Variants in RCC1 observed in about 807,000 individuals in gnomAD.
RCC1 encodes the protein regulator of chromosome condensation.
In RCC1, 11 loss-of-function variants were observed where a neutral mutation model predicts 44.4. The observed-to-expected ratio is 0.25, with a 90% confidence interval of 0.16 to 0.41. The LOEUF is 0.41. Ranked by LOEUF, RCC1 falls within the 10% of genes least tolerant of loss-of-function variation. The pLI is 1.00. For synonymous variants in RCC1, 213 were observed against 216.5 expected (o/e 0.98, Z 0.14); for missense variants, 386 against 547.1 (o/e 0.71, Z 2.94).
intron 4 of RCC1, among the ~76,000 whole-genome samples, chr1:28,522,675 C>T (rs1025183893): frequency 3.6e-4 from 54 of 151,632 alleles, no homozygotes; most frequent in Admixed American, 1.1e-3. Flanking sequence ...ATTAGCCAAG[C>T]GTGGTGGTAC....
At chr1:28,512,077 C>CCTCCCAAGTTCAA (rs1270783817) in intron 3 of RCC1, among the ~76,000 whole-genome samples, 2 of 149,438 alleles carry the variant, frequency 1.3e-5, no homozygotes, top group Non-Finnish European at 3.0e-5. Flanking sequence ...TGGGTTCAAG[C>CCTCCCAAGTTCAA]GATTCTCCTG....
intron 4 of RCC1, among the ~76,000 whole-genome samples, chr1:28,524,081 C>G (rs1374236943): frequency 6.6e-6 from 1 of 152,232 alleles, no homozygotes; most frequent in African/African-American, 2.4e-5. Flanking sequence ...TCCCAATCTG[C>G]TGGGATTACA....
intron 4 of RCC1, among the ~76,000 whole-genome samples, chr1:28,522,638 T>A (rs1359019375): frequency 4.0e-5 from 6 of 151,200 alleles, no homozygotes; most frequent in Non-Finnish European, 8.8e-5. Context: ...TGAGACCTTG[T>A]CTCTACAAGA....
rs1664574436 is a variant in RCC1, at chr1:28,536,678, C to T, written c.938-69C>T. On this transcript the variant is annotated intron_variant, in intron 11 of 12. Coordinates refer to ENST00000683442, the MANE Select transcript of RCC1 (RefSeq NM_001381865.2). The surrounding 1 kb of genome is among the most constrained non-coding windows in gnomAD (Gnocchi z 4.9). ...CACTCCCATGGACAGGTGGACTCAC[C>T]TAGCCTGCCACCCATTTTGCCTGTA... 6.4e-7 allele frequency: 1 copy of T among 1,567,434 alleles called. No homozygotes were observed. Among genetic ancestry groups the T allele is most frequent in the African/African-American group, 1.3e-5 (1 of 74,448 alleles).
At chr1:28,532,405 G>A in intron 7 of RCC1, 55 bp downstream of exon 7, 1 of 1,589,334 alleles carries the variant, frequency 6.3e-7, no homozygotes. Context: ...TTAATTGGCG[G>A]GGCCCCAAAG....
chr1:28,538,813 G>A lies in RCC1; in HGVS notation c.*806G>A, dbSNP rs1466640749. Reference sequence around the variant, plus strand: ...TAACAGCAATATTGAAAGGAGGTGGGGGATTGAGGGAGGGACAGAGTGTTG... The same window carrying A: ...TAACAGCAATATTGAAAGGAGGTGGAGGATTGAGGGAGGGACAGAGTGTTG... On this transcript the variant is annotated 3_prime_UTR_variant, in exon 13 of 13. Transcript: ENST00000683442. 2.0e-5 allele frequency: 3 copies of A among 152,216 alleles called. No individual in the cohort carries two copies. The highest frequency in any genetic ancestry group is 6.6e-5 in the Admixed American group (1 of 15,266). The allele number at this position is 152,216 out of a possible 1,614,324, so 9.4% of individuals were successfully genotyped here.
rs1288704424 is a variant in RCC1, at chr1:28,514,163, A to T, written c.-152-2562A>T. Among the ~76,000 whole-genome samples the T allele has an allele frequency of 3.3e-5, 5 of 152,080 alleles. No individual in the cohort carries two copies. In the East Asian group the frequency reaches 9.7e-4, roughly 29 times the overall value. ...CAGAGCAAGACTCCGTCTCAAAAAA[A>T]AAAAAGGCGGGGCCCGGTGGCTCAC... On this transcript the variant is annotated intron_variant, in intron 3 of 12. Coordinates refer to ENST00000683442, the MANE Select transcript of RCC1 (RefSeq NM_001381865.2).
At chr1:28,526,654 G>A in intron 4 of RCC1, 1 of 470,748 alleles carries the variant, frequency 2.1e-6, no homozygotes, top group Middle Eastern at 6.0e-4. Context: ...CCAGCACTTT[G>A]GGAGGCTGAG....
chr1:28,512,504 ATTTGT>A, intron 3 of RCC1, among the ~76,000 whole-genome samples: 1 of 151,654 alleles, frequency 6.6e-6, no homozygotes. Flanking sequence ...TTTTTTATTG[ATTTGT>A]TTTTATCTTT....
rs866972342 is a variant in RCC1 at position 28,536,119 on chromosome 1, G to A, written c.817+93G>A. On this transcript the variant is annotated intron_variant, in intron 10 of 12. Coordinates refer to ENST00000683442, the MANE Select transcript of RCC1 (RefSeq NM_001381865.2). The surrounding 1 kb of genome is among the most constrained non-coding windows in gnomAD (Gnocchi z 4.9). ...TTCATTGTGCATCCTTTGCGGGGTC[G>A]TCTAACCCCTCCAAGCCAGTTTTGT... is the stretch of plus-strand genomic sequence containing the variant. 2.9e-5 allele frequency: 45 copies of A among 1,541,178 alleles called. No individual in the cohort carries two copies. The highest frequency in any genetic ancestry group is 2.9e-4 in the Admixed American group (15 of 51,974).
chr1:28,507,268 G>A (rs1662033356), intron 1 of RCC1: 2 of 482,022 alleles, frequency 4.1e-6, no homozygotes, highest in African/African-American at 3.9e-5. Flanking sequence ...TGGACAGGGT[G>A]GAAACTCGTT....
rs116572904 is a variant in RCC1, at chr1:28,507,213, G to A, written c.-261-915G>A. 4.0e-3 allele frequency: 1,584 copies of A among 398,088 alleles called. 21 individuals carry two copies. Among genetic ancestry groups the A allele is most frequent in the African/African-American group, 0.031 (1,480 of 48,218 alleles). 24.7% of individuals were successfully genotyped at this position (398,088 alleles called of 1,614,324 possible). On this transcript the variant is annotated intron_variant, in intron 1 of 12. Transcript: ENST00000683442. ...TAAAGTAATTAGAATAGCTGAATAT[G>A]CATGTTACCAGTCTAGAAACCGATT...
chr1:28,508,424 T>G (rs1662207909), intron 2 of RCC1: 1 of 381,658 alleles, frequency 2.6e-6, no homozygotes, highest in Non-Finnish European at 5.2e-6. Flanking sequence ...GCTGCCCTAG[T>G]GAACTGTAGG....
intron 4 of RCC1, among the ~76,000 whole-genome samples, chr1:28,524,277 C>G (rs1315534711): frequency 6.6e-6 from 1 of 152,240 alleles, no homozygotes; most frequent in Non-Finnish European, 1.5e-5. Context: ...TTCTCTATCT[C>G]ACTACATGGA....
At chr1:28,519,301 C>G (rs539482144) in intron 4 of RCC1, among the ~76,000 whole-genome samples, 1 of 152,180 alleles carries the variant, frequency 6.6e-6, no homozygotes, top group East Asian at 1.9e-4. Context: ...GGCTGGGTCA[C>G]GAAGCGTCTT....
At chr1:28,522,860 T>C (rs1302821077) in intron 4 of RCC1, among the ~76,000 whole-genome samples, 12 of 151,176 alleles carry the variant, frequency 7.9e-5, no homozygotes, top group African/African-American at 2.9e-4. Flanking sequence ...CACACACATA[T>C]TTATTGATCA....
At position 28,529,909 on chromosome 1, in the gene RCC1, G is replaced by T. The variant is rs1293260624; in HGVS notation, c.43G>T (p.Asp15Tyr). ...AGCTAAAAGAAGGTCCCCCCCAGCA[G>T]ATGCCATCCCCAAAAGCAAGAAGGT... ...RIAKRRSPPA[D>Y]AIPKSKKVKV... Residue 15 changes from aspartate (D) to tyrosine (Y), a missense_variant, in exon 5 of 13, where the codon GAT (aspartate) becomes TAT (tyrosine). Coordinates refer to ENST00000683442, the MANE Select transcript of RCC1 (RefSeq NM_001381865.2). 1.2e-6 allele frequency: 2 copies of T among 1,614,086 alleles called. No individual in the cohort carries two copies. Among genetic ancestry groups the T allele is most frequent in the South Asian group, 2.2e-5 (2 of 91,072 alleles).
intron 4 of RCC1, chr1:28,526,224 G>A (rs1446033166): frequency 1.2e-5 from 2 of 172,424 alleles, no homozygotes; most frequent in Non-Finnish European, 2.5e-5. Context: ...GGTCAAACCT[G>A]CAATGAGCCG....
chr1:28,517,614 G>A (rs1176344565), intron 4 of RCC1, among the ~76,000 whole-genome samples: 3 of 151,940 alleles, frequency 2.0e-5, no homozygotes, highest in Non-Finnish European at 4.4e-5. Context: ...TGCCATTCCC[G>A]TGCCCAAATT....
Sources: gnomAD v4.1 joint callset for allele counts (sites outside exome capture counted in the v4.1 genomes callset) on GRCh38, gnomAD v4.1.1 for gene constraint, Gnocchi (gnomAD v3.1) non-coding constraint, MANE v1.5 for transcripts, NCBI Gene and HGNC (gene_info 2026-07-23, HGNC 2026-07-21) for gene names.